Variants in FRMPD4 observed in about 807,000 individuals in gnomAD.
The protein encoded by FRMPD4 is FERM and PDZ domain-containing protein 4.
FRMPD4 carries 22 observed loss-of-function variants against 94.1 expected under a neutral mutation model. The ratio of observed to expected loss-of-function variants is 0.23; its 90% CI spans 0.17 to 0.33. The LOEUF (loss-of-function observed/expected upper bound fraction) is 0.33, where lower values mean the gene tolerates loss of function less well. Ranked by LOEUF, FRMPD4 falls within the 10% of genes least tolerant of loss-of-function variation. The probability of loss-of-function intolerance (pLI) is 1.00; values close to 1 mark genes in which losing one functional copy is unlikely to be tolerated. For synonymous variants in FRMPD4, 631 were observed against 548.6 expected (o/e 1.15, Z -2.10); for missense variants, 1,111 against 1,339.9 (o/e 0.83, Z 2.67).
chrX:12,576,178 G>A (rs2081179068), intron 2 of FRMPD4, among the ~76,000 whole-genome samples: 1 of 111,976 alleles, frequency 8.9e-6, no homozygotes, highest in African/African-American at 3.2e-5. Context: ...GTATATAAAA[G>A]AAAAAACACT....
intron 3 of FRMPD4, among the ~76,000 whole-genome samples, chrX:11,980,349 CTTTA>C (rs780890636): frequency 8.1e-5 from 9 of 111,172 alleles, no homozygotes; most frequent in Admixed American, 2.9e-4. Context: ...TGTTTCCTCT[CTTTA>C]TTTATATTGT....
chrX:12,158,989 G>GT (rs1261639541), intron 1 of FRMPD4, among the ~76,000 whole-genome samples: 1 of 112,204 alleles, frequency 8.9e-6, no homozygotes, highest in Non-Finnish European at 1.9e-5. Flanking sequence ...TCCTGAAAAG[G>GT]TTTTTGTGCT....
At chrX:12,165,835 G>T (rs911404902) in intron 1 of FRMPD4, among the ~76,000 whole-genome samples, 3 of 111,064 alleles carry the variant, frequency 2.7e-5, no homozygotes, top group African/African-American at 9.8e-5. Context: ...GTTCACTCAT[G>T]ATTTGGCTCT....
chrX:12,232,862 A>C (rs2057028663), intron 1 of FRMPD4, among the ~76,000 whole-genome samples: 1 of 111,963 alleles, frequency 8.9e-6, no homozygotes, highest in Non-Finnish European at 1.9e-5. Flanking sequence ...GTATAGTAGG[A>C]GTTATAGGCA....
chrX:12,355,786 G>A (rs376479054), intron 1 of FRMPD4, among the ~76,000 whole-genome samples: 1 of 111,469 alleles, frequency 9.0e-6, no homozygotes, highest in East Asian at 2.8e-4. Context: ...GATAGTGTAG[G>A]GGCCAAGGAG....
At chrX:12,252,409 A>C (rs908589100) in intron 1 of FRMPD4, among the ~76,000 whole-genome samples, 23 of 112,414 alleles carry the variant, frequency 2.0e-4, no homozygotes, top group African/African-American at 7.4e-4. Flanking sequence ...AACATGTAAG[A>C]TAAAGAAAAG....
At chrX:12,249,113 T>C (rs1295297489) in intron 1 of FRMPD4, among the ~76,000 whole-genome samples, 1 of 113,055 alleles carries the variant, frequency 8.8e-6, no homozygotes, top group Admixed American at 9.3e-5. Flanking sequence ...ATTATGGACA[T>C]TTTCTAGTAT....
chrX:12,411,492 GC>G (rs1481598581), intron 1 of FRMPD4, among the ~76,000 whole-genome samples: 2 of 112,186 alleles, frequency 1.8e-5, no homozygotes, highest in East Asian at 5.6e-4. Flanking sequence ...TGTAGTATCA[GC>G]ACTAGACGTA....
intron 1 of FRMPD4, among the ~76,000 whole-genome samples, chrX:12,294,763 T>C (rs2054745609): frequency 9.0e-6 from 1 of 111,078 alleles, no homozygotes; most frequent in Non-Finnish European, 1.9e-5. Flanking sequence ...CCTAGTGTAG[T>C]CCTGGTAAAT....
chrX:12,522,982 G>A, intron 2 of FRMPD4, among the ~76,000 whole-genome samples: 1 of 112,092 alleles, frequency 8.9e-6, no homozygotes, highest in East Asian at 2.8e-4. Context: ...GCCCACTCAA[G>A]GTTAAGGAGG....
chrX:12,713,411 G>A (rs2042022349), intron 14 of FRMPD4, among the ~76,000 whole-genome samples: 1 of 110,901 alleles, frequency 9.0e-6, no homozygotes, highest in Non-Finnish European at 1.9e-5. Flanking sequence ...TGGGACTTCA[G>A]CCTCACCATC....
At chrX:12,579,772 A>G (rs2058846881) in intron 2 of FRMPD4, among the ~76,000 whole-genome samples, 1 of 111,983 alleles carries the variant, frequency 8.9e-6, no homozygotes, top group African/African-American at 3.2e-5. Context: ...ATGCTTTTTT[A>G]CAGTCCAAAG....
intron 1 of FRMPD4, among the ~76,000 whole-genome samples, chrX:12,303,789 T>C (rs766264039): frequency 8.9e-6 from 1 of 112,307 alleles, no homozygotes; most frequent in South Asian, 3.7e-4. Context: ...ACCAAAAAGA[T>C]CGATCCTTGG....
intron 2 of FRMPD4, among the ~76,000 whole-genome samples, chrX:12,536,127 G>T (rs1344277566): frequency 9.3e-6 from 1 of 107,002 alleles, no homozygotes; most frequent in Non-Finnish European, 1.9e-5. Context: ...TAAGTTCTAA[G>T]GAAGTTAAAA....
At chrX:12,541,858 C>T (rs1183229371) in intron 2 of FRMPD4, among the ~76,000 whole-genome samples, 4 of 111,263 alleles carry the variant, frequency 3.6e-5, no homozygotes, top group Non-Finnish European at 7.6e-5. Context: ...ACTGGCAAAC[C>T]GAATCCAGCA....
intron 1 of FRMPD4, among the ~76,000 whole-genome samples, chrX:12,436,540 T>C (rs2057069343): frequency 9.0e-6 from 1 of 111,552 alleles, no homozygotes; most frequent in South Asian, 3.8e-4. Context: ...ATTAATTTAT[T>C]TTTAGCTCAT....
chrX:12,159,742 G>A (rs1437658965), intron 1 of FRMPD4, among the ~76,000 whole-genome samples: 1 of 112,216 alleles, frequency 8.9e-6, no homozygotes, highest in East Asian at 2.8e-4. Flanking sequence ...CAGGGACAAT[G>A]GGTGAGAGAC....
At chrX:12,702,418 G>T (rs1224143067) in intron 10 of FRMPD4, among the ~76,000 whole-genome samples, 1 of 111,693 alleles carries the variant, frequency 9.0e-6, no homozygotes, top group African/African-American at 3.3e-5. Flanking sequence ...TATTAACGCG[G>T]GGATATAGGA....
chrX:12,294,748 C>A (rs2054745403), intron 1 of FRMPD4, among the ~76,000 whole-genome samples: 2 of 111,353 alleles, frequency 1.8e-5, no homozygotes, highest in African/African-American at 6.5e-5. Context: ...GCTATATCCC[C>A]ACTCCCTAGT....
Sources: allele counts gnomAD v4.1 joint callset (sites outside exome capture counted in the v4.1 genomes callset), GRCh38; gene constraint gnomAD v4.1.1; transcripts MANE v1.5; gene names NCBI Gene and HGNC (gene_info 2026-07-23, HGNC 2026-07-21).